ATG7: variants seen among roughly 807,000 people sequenced by gnomAD.
ATG7 encodes ubiquitin-like modifier-activating enzyme ATG7.
Under a neutral mutation model 82.4 loss-of-function variants are expected in ATG7, and 70 were observed. That is an observed-to-expected ratio of 0.85 (90% CI 0.70 to 1.04). The LOEUF (loss-of-function observed/expected upper bound fraction) is 1.04, where lower values mean the gene tolerates loss of function less well. Among genes scored for constraint, ATG7 ranks in the 50% least tolerant of loss-of-function variants. ATG7 has a pLI of 0.00. For missense variants in ATG7, 792 were observed against 864.3 expected, an observed-to-expected ratio of 0.92 and a Z score of 1.05; for synonymous variants, 287 against 313.0, an observed-to-expected ratio of 0.92 and a Z score of 0.88.
At position 11,394,913 on chromosome 3, in the gene ATG7, A is replaced by G. The variant is rs575150440; in HGVS notation, c.1956+14861A>G. On this transcript the variant is annotated intron_variant, in intron 19 of 20. Transcript: ENST00000693202. ...CAGGCACACAAGAAGAGAAGGTACC[A>G]TAAGTGAGAGTTGGCAGAAGCAAAG... 5.9e-5 allele frequency among the ~76,000 whole-genome samples: 9 copies of G among 152,318 alleles called. No individual in the cohort carries two copies. In the South Asian group the frequency reaches 1.7e-3, roughly 28 times the overall value.
chr3:11,390,636 G>A lies in ATG7; in HGVS notation c.1956+10584G>A, dbSNP rs115836875. On this transcript the variant is annotated intron_variant, in intron 19 of 20. Transcript: ENST00000693202. ...CAGTATTTTCCTCATAATAGCCTCA[G>A]CAGTGGTAACTTTTTGACCTTTGTG... Among the ~76,000 whole-genome samples the A allele has an allele frequency of 5.5e-4, 83 of 150,842 alleles. 1 individual carries two copies. The highest frequency in any genetic ancestry group is 1.9e-3 in the African/African-American group (80 of 41,300).
At chr3:11,474,168 A>G (rs2087859802) in intron 20 of ATG7, among the ~76,000 whole-genome samples, 2 of 152,244 alleles carry the variant, frequency 1.3e-5, no homozygotes, top group African/African-American at 4.8e-5. Flanking sequence ...TGTCTTCTGA[A>G]TGCTCAGCAC....
intron 20 of ATG7, among the ~76,000 whole-genome samples, chr3:11,511,456 T>C (rs1259683653): frequency 2.0e-5 from 3 of 152,108 alleles, no homozygotes; most frequent in African/African-American, 4.8e-5. Context: ...AGGGTGCTGA[T>C]TGGTGTATTT....
intron 5 of ATG7, among the ~76,000 whole-genome samples, chr3:11,306,017 G>A (rs1947663097): frequency 6.6e-6 from 1 of 152,186 alleles, no homozygotes; most frequent in South Asian, 2.1e-4. Context: ...ACTCTGAAAT[G>A]CAAGTTAATC....
At chr3:11,383,177 G>C (rs1435159013) in intron 19 of ATG7, among the ~76,000 whole-genome samples, 1 of 152,126 alleles carries the variant, frequency 6.6e-6, no homozygotes, top group Non-Finnish European at 1.5e-5. Flanking sequence ...TTTCCTTCCA[G>C]ACCAGGATCC....
chr3:11,442,219 C>T (rs2084045431), intron 20 of ATG7, among the ~76,000 whole-genome samples: 1 of 152,150 alleles, frequency 6.6e-6, no homozygotes, highest in Admixed American at 6.5e-5. Flanking sequence ...AGTGTGGGCC[C>T]AGAAACAGGG....
chr3:11,425,287 C>T (rs2082271570), intron 19 of ATG7, among the ~76,000 whole-genome samples: 1 of 152,104 alleles, frequency 6.6e-6, no homozygotes, highest in African/African-American at 2.4e-5. Flanking sequence ...AGTAAGCATC[C>T]TTACAACATA....
intron 12 of ATG7, 46 bp from the exon 13 acceptor site, chr3:11,342,086 GATT>G: frequency 1.3e-6 from 2 of 1,543,738 alleles, no homozygotes; most frequent in Non-Finnish European, 1.7e-6. Flanking sequence ...TTCAGAACAA[GATT>G]ATTGCATAAA....
At chr3:11,551,532 G>C (rs1184958007) in intron 20 of ATG7, among the ~76,000 whole-genome samples, 1 of 152,128 alleles carries the variant, frequency 6.6e-6, no homozygotes, top group Non-Finnish European at 1.5e-5. Flanking sequence ...TATGGATTCT[G>C]TACATCCGAT....
chr3:11,466,569 G>A (rs899758083), intron 20 of ATG7, among the ~76,000 whole-genome samples: 13 of 152,190 alleles, frequency 8.5e-5, no homozygotes, highest in Non-Finnish European at 1.2e-4. Context: ...TCACAGGCAC[G>A]AGGCCTAGAC....
intron 20 of ATG7, among the ~76,000 whole-genome samples, chr3:11,483,991 T>A (rs558762598): frequency 6.6e-6 from 1 of 152,192 alleles, no homozygotes; most frequent in Non-Finnish European, 1.5e-5. Flanking sequence ...CTCTTTGATA[T>A]AGGGTAGAAT....
chr3:11,506,418 A>T (rs998947643), intron 20 of ATG7, among the ~76,000 whole-genome samples: 2 of 152,060 alleles, frequency 1.3e-5, no homozygotes, highest in African/African-American at 2.4e-5. Flanking sequence ...CACAGATAAA[A>T]CATTTCCATC....
chr3:11,449,902 G>A (rs2084940922), intron 20 of ATG7, among the ~76,000 whole-genome samples: 1 of 152,184 alleles, frequency 6.6e-6, no homozygotes, highest in Non-Finnish European at 1.5e-5. Context: ...AGAGTTTAAG[G>A]GGCAGGGAAG....
chr3:11,558,686 G>A (rs765140042), downstream of ATG7: 28 of 1,613,786 alleles, frequency 1.7e-5, no homozygotes, highest in Admixed American at 8.3e-5. Flanking sequence ...CTGGAGCCAC[G>A]TGTCACCCAG....
chr3:11,484,086 G>A (rs888338375), intron 20 of ATG7, among the ~76,000 whole-genome samples: 10 of 152,170 alleles, frequency 6.6e-5, no homozygotes, highest in African/African-American at 2.4e-4. Flanking sequence ...AGAGGAAGGT[G>A]ATAGGCCAAA....
the ATG7 span, chr3:11,568,725 C>A: frequency 6.5e-7 from 1 of 1,542,256 alleles, no homozygotes; most frequent in Admixed American, 2.0e-5. The surrounding 1 kb of genome is among the most constrained non-coding windows in gnomAD (Gnocchi z 5.9). Flanking sequence ...CTCCCGGGGA[C>A]GGCAGAAAAC....
intron 20 of ATG7, among the ~76,000 whole-genome samples, chr3:11,459,758 A>C (rs551312632): frequency 8.5e-5 from 13 of 152,360 alleles, no homozygotes; most frequent in African/African-American, 3.1e-4. Flanking sequence ...AAACCATTGA[A>C]TTACAAACAA....
intron 19 of ATG7, among the ~76,000 whole-genome samples, chr3:11,417,838 G>A (rs1349468512): frequency 7.7e-6 from 1 of 130,546 alleles, no homozygotes; most frequent in Non-Finnish European, 1.6e-5. Flanking sequence ...TTGAGACAGA[G>A]TCTTGCTCTA....
chr3:11,331,877 A>G (rs1218385757), intron 10 of ATG7, among the ~76,000 whole-genome samples: 2 of 152,232 alleles, frequency 1.3e-5, no homozygotes, highest in African/African-American at 4.8e-5. Flanking sequence ...TTAAAACCAT[A>G]ATGAGATGCT....
Sources: gnomAD v4.1 joint callset for allele counts (sites outside exome capture counted in the v4.1 genomes callset) on GRCh38, gnomAD v4.1.1 for gene constraint, Gnocchi (gnomAD v3.1) non-coding constraint, MANE v1.5 for transcripts, NCBI Gene and HGNC (gene_info 2026-07-23, HGNC 2026-07-21) for gene names.